STARD13: variants seen among roughly 807,000 people sequenced by gnomAD.
STARD13 encodes stAR-related lipid transfer protein 13.
Under a neutral mutation model 106.4 loss-of-function variants are expected in STARD13, and 62 were observed. The observed-to-expected ratio is 0.58, with a 90% CI of 0.48 to 0.72. The LOEUF (loss-of-function observed/expected upper bound fraction) is 0.72, where lower values mean the gene tolerates loss of function less well. Among genes scored for constraint, STARD13 ranks in the 30% least tolerant of loss-of-function variants. STARD13 has a pLI of 0.00. For synonymous variants in STARD13, 565 were observed against 553.0 expected, an observed-to-expected ratio of 1.02 and a Z score of -0.31; for missense variants, 1,387 against 1,424.0, an observed-to-expected ratio of 0.97 and a Z score of 0.42.
chr13:33,437,225 T>G, the STARD13 span, among the ~76,000 whole-genome samples: 1 of 152,316 alleles, frequency 6.6e-6, no homozygotes, highest in South Asian at 2.1e-4. Flanking sequence ...ATCCCTATCC[T>G]GTTTTGTTCC....
chr13:33,226,444 TTTTTTTTTTTAGATGAATATTG>T (rs1486059891), intron 1 of STARD13, among the ~76,000 whole-genome samples: 1 of 151,114 alleles, frequency 6.6e-6, no homozygotes, highest in African/African-American at 2.4e-5. Flanking sequence ...TCTTTTTTTT[TTTTTTTTTTTAGATGAATATTG>T]TTTTGTCGCC....
intron 1 of STARD13, among the ~76,000 whole-genome samples, chr13:33,327,488 G>A (rs956717703): frequency 2.4e-4 from 37 of 152,144 alleles, no homozygotes; most frequent in African/African-American, 8.7e-4. Flanking sequence ...TTCTGCCTCA[G>A]CTTCCCAAGT....
intron 1 of STARD13, among the ~76,000 whole-genome samples, chr13:33,247,457 A>G (rs1349054438): frequency 6.8e-6 from 1 of 147,192 alleles, no homozygotes; most frequent in African/African-American, 2.5e-5. Flanking sequence ...CGTCGCCAGG[A>G]CAACTGCTCC....
Position 33,285,750 on chromosome 13 carries a change from ATTTT to A in STARD13, c.-116_-113del. 6.7e-7 allele frequency: 1 copy of A among 1,492,244 alleles called. No homozygotes were observed. Among genetic ancestry groups the A allele is most frequent in the Non-Finnish European group, 8.9e-7 (1 of 1,127,194 alleles). The allele number at this position is 1,492,244 out of a possible 1,614,324, so 92.4% of individuals were successfully genotyped here. ...CCAGGACAGCTCAACAGACCCAGCG[ATTTT>A]TAAAAAGAAAGAGGAGTGCCAAAGC... On this transcript the variant is annotated 5_prime_UTR_variant, in exon 1 of 14. Coordinates refer to ENST00000336934, the MANE Select transcript of STARD13 (RefSeq NM_178006.4).
intron 1 of STARD13, among the ~76,000 whole-genome samples, chr13:33,322,455 C>T (rs1320862413): frequency 6.6e-6 from 1 of 152,148 alleles, no homozygotes; most frequent in Non-Finnish European, 1.5e-5. Flanking sequence ...CTGATATTTT[C>T]ATTTCCTAAC....
At chr13:33,283,619 G>A (rs1891914596) in intron 1 of STARD13, among the ~76,000 whole-genome samples, 1 of 152,138 alleles carries the variant, frequency 6.6e-6, no homozygotes, top group South Asian at 2.1e-4. Flanking sequence ...AAGACTGTTG[G>A]AAATCTTTAT....
the STARD13 span, among the ~76,000 whole-genome samples, chr13:33,537,473 C>T: frequency 6.6e-6 from 1 of 152,178 alleles, no homozygotes; most frequent in African/African-American, 2.4e-5. Context: ...TTATTTGACA[C>T]TTTAGGGAAA....
chr13:33,431,383 T>C, the STARD13 span, among the ~76,000 whole-genome samples: 1 of 152,198 alleles, frequency 6.6e-6, no homozygotes, highest in African/African-American at 2.4e-5. Flanking sequence ...CTGGGCTAAA[T>C]AAAATGTTAT....
the STARD13 span, among the ~76,000 whole-genome samples, chr13:33,387,251 C>T: frequency 6.6e-6 from 1 of 152,186 alleles, no homozygotes; most frequent in Non-Finnish European, 1.5e-5. Context: ...GCAATCCTCC[C>T]ACTTCAGCTC....
At chr13:33,454,778 G>A in the STARD13 span, among the ~76,000 whole-genome samples, 1 of 152,230 alleles carries the variant, frequency 6.6e-6, no homozygotes, top group Non-Finnish European at 1.5e-5. Flanking sequence ...AGTAGAAAAC[G>A]AATGAAGGGG....
chr13:33,415,683 T>C, the STARD13 span, among the ~76,000 whole-genome samples: 4 of 152,340 alleles, frequency 2.6e-5, no homozygotes, highest in Middle Eastern at 3.4e-3. Flanking sequence ...ATAATGCTGG[T>C]TTCATAAACA....
the STARD13 span, among the ~76,000 whole-genome samples, chr13:33,458,491 G>A: frequency 2.6e-3 from 395 of 152,120 alleles, 4 homozygotes; most frequent in African/African-American, 9.1e-3. Flanking sequence ...GGTTTCTCCT[G>A]GGTAGAGAAA....
the STARD13 span, among the ~76,000 whole-genome samples, chr13:33,404,281 C>T: frequency 2.4e-4 from 36 of 152,192 alleles, no homozygotes; most frequent in African/African-American, 8.7e-4. Flanking sequence ...AATCTCTTCT[C>T]AACTGTATTA....
the STARD13 span, among the ~76,000 whole-genome samples, chr13:33,483,470 A>G: frequency 0.22 from 33,457 of 152,142 alleles, 6,806 homozygotes; most frequent in African/African-American, 0.54. Context: ...ATATTTACAG[A>G]TTTTTGAATA....
chr13:33,382,803 C>T, the STARD13 span, among the ~76,000 whole-genome samples: 5 of 152,056 alleles, frequency 3.3e-5, no homozygotes, highest in African/African-American at 7.2e-5. Flanking sequence ...GCTCTTCCAC[C>T]GATAAGCATT....
chr13:33,633,910 C>T, the STARD13 span, among the ~76,000 whole-genome samples: 1 of 152,190 alleles, frequency 6.6e-6, no homozygotes, highest in Non-Finnish European at 1.5e-5. Flanking sequence ...TGTGTGACCT[C>T]TGTACACTGG....
chr13:33,269,615 T>C (rs1346557684), intron 1 of STARD13, among the ~76,000 whole-genome samples: 1 of 152,232 alleles, frequency 6.6e-6, no homozygotes, highest in Non-Finnish European at 1.5e-5. Context: ...TTGAAAGCTA[T>C]GACTTATGAC....
the STARD13 span, among the ~76,000 whole-genome samples, chr13:33,612,807 A>T: frequency 6.6e-6 from 1 of 152,232 alleles, no homozygotes; most frequent in South Asian, 2.1e-4. Flanking sequence ...TGTGGCCTGG[A>T]CTTCTCAGAG....
At chr13:33,616,215 GAGGAGAGGGAAA>G in the STARD13 span, among the ~76,000 whole-genome samples, 5 of 149,610 alleles carry the variant, frequency 3.3e-5, no homozygotes, top group Admixed American at 1.3e-4. Context: ...AAGGAGAGGA[GAGGAGAGGGAAA>G]AGGGGAGGGG....
Sources: gnomAD v4.1 joint callset for allele counts (sites outside exome capture counted in the v4.1 genomes callset) on GRCh38, gnomAD v4.1.1 for gene constraint, MANE v1.5 for transcripts, NCBI Gene and HGNC (gene_info 2026-07-23, HGNC 2026-07-21) for gene names.